Variants in ARHGEF18 observed in about 807,000 individuals in gnomAD.
ARHGEF18 encodes Rho/Rac guanine nucleotide exchange factor 18, also known as rho guanine nucleotide exchange factor 18.
A neutral mutation model predicts 155.7 loss-of-function variants in ARHGEF18; 93 were observed. The ratio of observed to expected loss-of-function variants is 0.60; its 90% confidence interval spans 0.50 to 0.71. The LOEUF (loss-of-function observed/expected upper bound fraction) is 0.71, where lower values mean the gene tolerates loss of function less well. Ranked by LOEUF, ARHGEF18 falls within the 30% of genes least tolerant of loss-of-function variation. The probability of loss-of-function intolerance (pLI) is 0.00; values close to 1 mark genes in which losing one functional copy is unlikely to be tolerated. For synonymous variants in ARHGEF18, 742 were observed against 753.1 expected (o/e 0.99, Z 0.24); for missense variants, 1,593 against 1,816.1 (o/e 0.88, Z 2.23).
rs6603073 is a variant in ARHGEF18 at position 7,441,922 on chromosome 19, C to T, written c.1230C>T (p.Thr410=). The change falls in exon 13 of 29, where the codon ACC becomes ACT. Residue 410 remains threonine, a synonymous_variant. Transcript: ENST00000668164. ...TESIFVEDPY[T]ASLRSEIESD... is the part of the protein sequence containing the mutation. ...TCGCTCTTCCCTCAGATCCCTACAC[C>T]GCCTCGCTGAGGAGTGAGATTGAGT... 7,059 of 1,614,016 alleles carry T rather than the reference C, an allele frequency of 4.4e-3. 147 individuals carry two copies. In the African/African-American group the frequency reaches 0.054, roughly 12 times the overall value.
rs1568309313 is a variant in ARHGEF18, at chr19:7,411,279, T to TTC, written c.967+28076_967+28077insTC. Among the ~76,000 whole-genome samples the TTC allele has an allele frequency of 5.9e-4, 33 of 56,022 alleles. 1 individual carries two copies. The highest frequency in any genetic ancestry group is 3.1e-3 in the South Asian group (3 of 970). 36.8% of individuals were successfully genotyped at this position (56,022 alleles called of 152,430 possible). A position where few individuals can be genotyped will look rare whatever the true frequency, so the allele number is the denominator to read the frequency against. Reference sequence around the variant, plus strand: ...TCCCCTTCCCCTTCCCCTTCCCCTTTCCCTTTCCCTCCCCTCCCCTTCCCT... The same window carrying TTC: ...TCCCCTTCCCCTTCCCCTTCCCCTTTTCCCCTTTCCCTCCCCTCCCCTTCCCT... On this transcript the variant is annotated intron_variant, in intron 10 of 28. Coordinates refer to ENST00000668164, the MANE Select transcript of ARHGEF18 (RefSeq NM_001367823.1).
In ARHGEF18 at chr19:7,444,420, T is replaced by A; in HGVS notation, c.1577T>A (p.Val526Asp). ...SLEEGSDRNY[V>D]IQKIGDLLVQ... ...GAGGAGGGCAGTGACCGGAATTATGTCATCCAGAAAATCGGCGACCTCCTG... is the reference window on the plus strand; with the variant it reads ...GAGGAGGGCAGTGACCGGAATTATGACATCCAGAAAATCGGCGACCTCCTG... The change falls in exon 14 of 29, where the codon GTC becomes GAC. Residue 526 changes from valine to aspartate, a missense_variant. Transcript: ENST00000668164. The surrounding 1 kb of genome is among the most constrained non-coding windows in gnomAD (Gnocchi z 4.7). 1 of 1,613,692 alleles carries A rather than the reference T, an allele frequency of 6.2e-7. No homozygotes were observed. Among genetic ancestry groups the A allele is most frequent in the Non-Finnish European group, 8.5e-7 (1 of 1,179,982 alleles).
At chr19:7,449,256 T>C (rs564880106) in intron 15 of ARHGEF18, among the ~76,000 whole-genome samples, 5 of 152,058 alleles carry the variant, frequency 3.3e-5, no homozygotes, top group African/African-American at 9.6e-5. Context: ...CCCCTTTTGG[T>C]TCTTAGCCAG....
intron 10 of ARHGEF18, among the ~76,000 whole-genome samples, chr19:7,414,850 C>T (rs890505909): frequency 6.6e-6 from 1 of 151,422 alleles, no homozygotes; most frequent in African/African-American, 2.4e-5. Flanking sequence ...CAAAAATTAG[C>T]CGGGTGTGGG....
intron 15 of ARHGEF18, 39 bp downstream of exon 15, chr19:7,447,207 C>G (rs1181961228): frequency 1.3e-6 from 2 of 1,550,526 alleles, no homozygotes; most frequent in South Asian, 1.2e-5. Context: ...AACTTATATT[C>G]TGGCCGGGCG....
rs756656435 is a variant in ARHGEF18 at position 7,464,712 on chromosome 19, C to T, written c.2904+22C>T. 2.9e-5 allele frequency: 46 copies of T among 1,613,542 alleles called. No individual in the cohort carries two copies. In the East Asian group the frequency reaches 4.7e-4, roughly 16 times the overall value. On this transcript the variant is annotated intron_variant, in intron 23 of 28. Transcript: ENST00000668164. ...GGTGGTACGTGGATATCCATTTGCT[C>T]GGTACAGTCTGAGTCGTCATAAGGA...
intron 10 of ARHGEF18, among the ~76,000 whole-genome samples, chr19:7,424,635 G>A (rs1473865597): frequency 6.6e-6 from 1 of 152,188 alleles, no homozygotes; most frequent in Non-Finnish European, 1.5e-5. Context: ...GTAAGTGATG[G>A]TAAGAGTGCT....
Position 7,440,517 on chromosome 19 carries a change from T to A in ARHGEF18, c.1106+35T>A. On this transcript the variant is annotated intron_variant, in intron 11 of 28. Coordinates refer to ENST00000668164, the MANE Select transcript of ARHGEF18 (RefSeq NM_001367823.1). This position sits in a 1 kb window ranked among gnomAD's most constrained non-coding sequence, Gnocchi z 5.4. ...GGTCCCCTCTGTGCCCTCGGGTGGG[T>A]GGTGGCATTCCCCGGGGAGCTGTTG... The A allele has an allele frequency of 6.4e-7, 1 of 1,567,346 alleles. No homozygotes were observed. The highest frequency in any genetic ancestry group is 8.6e-7 in the Non-Finnish European group (1 of 1,161,820).
chr19:7,397,266 A>T (rs893154287), intron 10 of ARHGEF18, among the ~76,000 whole-genome samples: 7 of 150,234 alleles, frequency 4.7e-5, no homozygotes, highest in South Asian at 2.1e-4. Context: ...TTTACTTAAA[A>T]TTTTTTTTTT....
At chr19:7,381,297 G>A (rs559511314) in intron 8 of ARHGEF18, among the ~76,000 whole-genome samples, 5 of 152,274 alleles carry the variant, frequency 3.3e-5, no homozygotes, top group African/African-American at 4.8e-5. Context: ...GAATGACATC[G>A]GAGTGGGGCT....
intron 10 of ARHGEF18, among the ~76,000 whole-genome samples, chr19:7,394,524 CCAG>C (rs1303997721): frequency 6.6e-6 from 1 of 152,044 alleles, no homozygotes; most frequent in Non-Finnish European, 1.5e-5. Flanking sequence ...CAAAACACCC[CCAG>C]CTCCACTGTC....
chr19:7,442,271 C>A (rs1234690335), intron 13 of ARHGEF18, among the ~76,000 whole-genome samples: 1 of 151,764 alleles, frequency 6.6e-6, no homozygotes, highest in African/African-American at 2.4e-5. Context: ...CAGTCTCTCT[C>A]TATTGCCCAG....
intron 14 of ARHGEF18, 76 bp from the exon 15 acceptor site, chr19:7,446,967 A>G: frequency 6.5e-7 from 1 of 1,529,304 alleles, no homozygotes. Flanking sequence ...ATTTTAGCAG[A>G]CTCAGACGAA....
chr19:7,462,297 G>A lies in ARHGEF18; in HGVS notation c.2598G>A (p.Leu866=), dbSNP rs778832626. 1.2e-6 allele frequency: 2 copies of A among 1,608,702 alleles called. No homozygotes were observed. The highest frequency in any genetic ancestry group is 1.7e-6 in the Non-Finnish European group (2 of 1,177,906). Residue 866 remains leucine (L), a synonymous_variant, in exon 21 of 29, where the codon CTG becomes CTA. Coordinates refer to ENST00000668164, the MANE Select transcript of ARHGEF18 (RefSeq NM_001367823.1). The surrounding 1 kb of genome is among the most constrained non-coding windows in gnomAD (Gnocchi z 4.4). ...GTGGAGGGGACCCATCCGAGACCCT[G>A]CAGGGGGAGCTAATTCTCAAGTCGG... is the stretch of plus-strand genomic sequence containing the variant. ...LFRGGDPSET[L]QGELILKSAM...
chr19:7,459,390 T>A (rs1375704378), intron 19 of ARHGEF18, among the ~76,000 whole-genome samples: 2 of 151,962 alleles, frequency 1.3e-5, no homozygotes, highest in Non-Finnish European at 2.9e-5. Context: ...CCAGCTAGAT[T>A]TTTTATTTTT....
chr19:7,376,865 C>T (rs1970483043), intron 5 of ARHGEF18, 108 bp downstream of exon 5: 1 of 776,852 alleles, frequency 1.3e-6, no homozygotes, highest in East Asian at 3.4e-5. Context: ...GGAGGGTCCC[C>T]TTGGTGGGGC....
At chr19:7,419,723 G>T (rs1378956719) in intron 10 of ARHGEF18, among the ~76,000 whole-genome samples, 2 of 152,098 alleles carry the variant, frequency 1.3e-5, no homozygotes, top group African/African-American at 4.8e-5. Flanking sequence ...GTTGCGTAGG[G>T]TGTGTTGCAG....
Position 7,395,262 on chromosome 19 carries a change from G to A in ARHGEF18, c.967+12059G>A, listed in dbSNP as rs1048901942. 3.0e-6 allele frequency: 3 copies of A among 986,038 alleles called. No individual in the cohort carries two copies. Among genetic ancestry groups the A allele is most frequent in the African/African-American group, 3.5e-5 (2 of 57,244 alleles). The allele number at this position is 986,038 out of a possible 1,614,324, so 61.1% of individuals were successfully genotyped here. Reference sequence around the variant, plus strand: ...ATCGGGCCGAGGTGAGGACGGCGGCGGGGCGGTCCCGAGGAAAACGGGGCT... The same window carrying A: ...ATCGGGCCGAGGTGAGGACGGCGGCAGGGCGGTCCCGAGGAAAACGGGGCT... On this transcript the variant is annotated intron_variant, in intron 10 of 28. Transcript: ENST00000668164. The surrounding 1 kb of genome is among the most constrained non-coding windows in gnomAD (Gnocchi z 5.0).
At chr19:7,396,746 T>C (rs1290104839) in intron 10 of ARHGEF18, among the ~76,000 whole-genome samples, 3 of 150,996 alleles carry the variant, frequency 2.0e-5, no homozygotes, top group Non-Finnish European at 4.4e-5. Flanking sequence ...GAGCACAGGC[T>C]TGAGGTCAGA....
Sources: gnomAD v4.1 joint callset for allele counts (sites outside exome capture counted in the v4.1 genomes callset) on GRCh38, gnomAD v4.1.1 for gene constraint, Gnocchi (gnomAD v3.1) non-coding constraint, MANE v1.5 for transcripts, NCBI Gene and HGNC (gene_info 2026-07-23, HGNC 2026-07-21) for gene names.